The following ATXN1 variants were observed in gnomAD, a reference collection of about 807,000 sequenced individuals.
ATXN1 encodes the protein ataxin-1.
Under a neutral mutation model 56.4 loss-of-function variants are expected in ATXN1, and 8 were observed. The observed-to-expected ratio is 0.14, with a 90% CI of 0.08 to 0.26. The LOEUF is 0.26. Among genes scored for constraint, ATXN1 ranks in the 10% least tolerant of loss-of-function variants. The probability of loss-of-function intolerance (pLI) is 1.00; values close to 1 mark genes in which losing one functional copy is unlikely to be tolerated. For synonymous variants in ATXN1, 514 were observed against 494.6 expected, an observed-to-expected ratio of 1.04 and a Z score of -0.52; for missense variants, 987 against 1,106.5, an observed-to-expected ratio of 0.89 and a Z score of 1.53.
chr6:16,433,881 G>A (rs1463597892), intron 6 of ATXN1, among the ~76,000 whole-genome samples: 1 of 152,188 alleles, frequency 6.6e-6, no homozygotes. Context: ...CTCCTCACCT[G>A]CCAAACGAGG....
At chr6:16,490,134 C>A (rs1760631656) in intron 5 of ATXN1, among the ~76,000 whole-genome samples, 2 of 134,276 alleles carry the variant, frequency 1.5e-5, no homozygotes, top group African/African-American at 2.7e-5. Context: ...GACAAATGAC[C>A]AAAAAAAAAA....
intron 4 of ATXN1, among the ~76,000 whole-genome samples, chr6:16,532,589 A>C (rs970280909): frequency 4.6e-5 from 7 of 152,224 alleles, no homozygotes; most frequent in Non-Finnish European, 5.9e-5. Flanking sequence ...GAAAATATGC[A>C]AATGACCATT....
chr6:16,707,476 A>G (rs1036142835), intron 2 of ATXN1, among the ~76,000 whole-genome samples: 1 of 152,216 alleles, frequency 6.6e-6, no homozygotes, highest in African/African-American at 2.4e-5. Flanking sequence ...GACTTCTTCA[A>G]GAGTACCTAG....
intron 4 of ATXN1, among the ~76,000 whole-genome samples, chr6:16,527,652 T>C (rs1324239640): frequency 6.6e-6 from 1 of 152,174 alleles, no homozygotes; most frequent in African/African-American, 2.4e-5. Flanking sequence ...GTGGGGGTCA[T>C]GCTCTTAGAA....
At chr6:16,437,385 C>A (rs1314038053) in intron 6 of ATXN1, among the ~76,000 whole-genome samples, 1 of 152,186 alleles carries the variant, frequency 6.6e-6, no homozygotes, top group East Asian at 1.9e-4. Flanking sequence ...CCAAAAGCTA[C>A]ACATGTCTAC....
At chr6:16,454,148 A>AAAAC (rs1561902137) in intron 6 of ATXN1, among the ~76,000 whole-genome samples, 7 of 131,720 alleles carry the variant, frequency 5.3e-5, no homozygotes, top group African/African-American at 1.8e-4. Context: ...AAAAAAAAAA[A>AAAAC]AAAAAACAGA....
chr6:16,552,122 T>C (rs530797294), intron 4 of ATXN1, among the ~76,000 whole-genome samples: 2 of 152,288 alleles, frequency 1.3e-5, no homozygotes, highest in African/African-American at 2.4e-5. Flanking sequence ...CAACCCAGAA[T>C]GGTTTTCTTG....
chr6:16,407,544 T>A (rs979757728), intron 6 of ATXN1, among the ~76,000 whole-genome samples: 1 of 152,238 alleles, frequency 6.6e-6, no homozygotes, highest in Non-Finnish European at 1.5e-5. Context: ...TCTGGTTTGC[T>A]TATATAGCAT....
chr6:16,712,382 C>T (rs985189927), intron 2 of ATXN1, among the ~76,000 whole-genome samples: 17 of 152,200 alleles, frequency 1.1e-4, no homozygotes, highest in African/African-American at 3.4e-4. Flanking sequence ...AAAACAGCCA[C>T]GCAAGGCAGA....
chr6:16,484,743 C>T (rs1440895876), intron 6 of ATXN1, among the ~76,000 whole-genome samples: 1 of 152,142 alleles, frequency 6.6e-6, no homozygotes, highest in East Asian at 1.9e-4. Context: ...GATATGGATA[C>T]ATATGCATAT....
chr6:16,757,887 T>C (rs1407779590), intron 1 of ATXN1, among the ~76,000 whole-genome samples: 3 of 152,098 alleles, frequency 2.0e-5, no homozygotes, highest in Non-Finnish European at 4.4e-5. Context: ...GCTTTATCAG[T>C]GGTGCCCTAA....
Position 16,321,948 on chromosome 6 carries a change from G to A in ATXN1, c.1917+4446C>T, listed in dbSNP as rs191763555. Among the ~76,000 whole-genome samples the A allele has an allele frequency of 3.1e-4, 47 of 152,314 alleles. No individual in the cohort carries two copies. The East Asian group carries it at 3.7e-3, about 12-fold the overall frequency. ...TATGAAGAATCATACGTGGCCGGGC[G>A]CCGTGGCTCACGCCTATAATCCCAG... On this transcript the variant is annotated intron_variant, in intron 7 of 7. Coordinates refer to ENST00000436367, the MANE Select transcript of ATXN1 (RefSeq NM_001128164.2).
chr6:16,443,208 CAAAA>C (rs70999325), intron 6 of ATXN1, among the ~76,000 whole-genome samples: 334 of 40,746 alleles, frequency 8.2e-3, no homozygotes, highest in African/African-American at 0.021. Context: ...TCTATTGGAG[CAAAA>C]AAAAAAAAAA....
intron 2 of ATXN1, among the ~76,000 whole-genome samples, chr6:16,699,845 C>A (rs1472784833): frequency 2.0e-5 from 3 of 152,106 alleles, no homozygotes; most frequent in Admixed American, 6.6e-5. Context: ...TTCTTTTTGA[C>A]CAAATAGATT....
intron 6 of ATXN1, among the ~76,000 whole-genome samples, chr6:16,476,786 C>A (rs1357764304): frequency 1.3e-5 from 2 of 152,256 alleles, no homozygotes; most frequent in Non-Finnish European, 1.5e-5. Context: ...AAAATTATTT[C>A]TTTCAATTCC....
At chr6:16,555,524 C>T (rs1761994813) in intron 4 of ATXN1, among the ~76,000 whole-genome samples, 1 of 152,190 alleles carries the variant, frequency 6.6e-6, no homozygotes, top group Non-Finnish European at 1.5e-5. Flanking sequence ...CTAAGACACC[C>T]ACCCAGAGCC....
intron 6 of ATXN1, among the ~76,000 whole-genome samples, chr6:16,417,018 T>C (rs1000585757): frequency 4.6e-5 from 7 of 152,196 alleles, no homozygotes; most frequent in Admixed American, 3.3e-4. Flanking sequence ...TTTTGTCAAC[T>C]TCCCCTAAGA....
rs1032323829 is a variant in ATXN1 at position 16,303,032 on chromosome 6, G to A, written c.*3297C>T. ...AAGGGAGTGGTGACCGTGGGTGGCA[G>A]GTGGTCCCCTCCACAGCCACTGGCC... On this transcript the variant is annotated 3_prime_UTR_variant, in exon 8 of 8. Transcript: ENST00000436367. The surrounding 1 kb of genome is among the most constrained non-coding windows in gnomAD (Gnocchi z 4.3). The A allele has an allele frequency of 2.6e-5, 4 of 152,658 alleles. No homozygotes were observed. Among genetic ancestry groups the A allele is most frequent in the Admixed American group, 2.6e-4 (4 of 15,280 alleles). The allele number at this position is 152,658 out of a possible 1,614,324, so 9.5% of individuals were successfully genotyped here.
At chr6:16,477,889 G>A (rs747584023) in intron 6 of ATXN1, among the ~76,000 whole-genome samples, 6 of 152,106 alleles carry the variant, frequency 3.9e-5, no homozygotes, top group African/African-American at 7.2e-5. Context: ...AGTAAGTGAC[G>A]TTTTCCTCCT....
Sources: allele counts gnomAD v4.1 joint callset (sites outside exome capture counted in the v4.1 genomes callset), GRCh38; gene constraint gnomAD v4.1.1; non-coding constraint Gnocchi (gnomAD v3.1); transcripts MANE v1.5; gene names NCBI Gene and HGNC (gene_info 2026-07-23, HGNC 2026-07-21).